The following GALNT17 variants were observed in gnomAD, a reference collection of about 807,000 sequenced individuals.
GALNT17 encodes the protein polypeptide N-acetylgalactosaminyltransferase 17, also known as UDP-GalNAc:polypeptide N-acetylgalactosaminyltransferase-like 3.
A neutral mutation model predicts 63.7 loss-of-function variants in GALNT17; 29 were observed. The observed-to-expected ratio is 0.46, with a 90% CI of 0.34 to 0.62. GALNT17 has a LOEUF of 0.62. Among genes scored for constraint, GALNT17 ranks in the 20% least tolerant of loss-of-function variants. The probability of loss-of-function intolerance (pLI) is 0.01; values close to 1 mark genes in which losing one functional copy is unlikely to be tolerated. For missense variants in GALNT17, 603 were observed against 799.6 expected (o/e 0.75, Z 2.97); for synonymous variants, 305 against 318.3 (o/e 0.96, Z 0.45).
At chr7:71,533,339 A>G (rs1788751255) in intron 5 of GALNT17, among the ~76,000 whole-genome samples, 1 of 152,208 alleles carries the variant, frequency 6.6e-6, no homozygotes. Context: ...CAACCAAAAC[A>G]TTTCCTAAAT....
chr7:71,607,119 C>T (rs1790058929), intron 6 of GALNT17, among the ~76,000 whole-genome samples: 1 of 152,038 alleles, frequency 6.6e-6, no homozygotes, highest in African/African-American at 2.4e-5. Context: ...CTGCAGTGAG[C>T]CATGGTCATA....
At chr7:71,408,134 G>T (rs1054567356) in intron 3 of GALNT17, among the ~76,000 whole-genome samples, 3 of 152,172 alleles carry the variant, frequency 2.0e-5, no homozygotes, top group Admixed American at 1.3e-4. Context: ...CGACCTGGGG[G>T]TGCTGGCCAG....
At chr7:71,526,489 A>ATTATTAT (rs1028883731) in intron 5 of GALNT17, among the ~76,000 whole-genome samples, 2 of 152,046 alleles carry the variant, frequency 1.3e-5, no homozygotes, top group African/African-American at 4.8e-5. Context: ...GTTACATGGA[A>ATTATTAT]TTTTTATTTT....
chr7:71,149,176 C>G (rs1347345538), intron 1 of GALNT17, among the ~76,000 whole-genome samples: 2 of 152,084 alleles, frequency 1.3e-5, no homozygotes, highest in African/African-American at 4.8e-5. Context: ...GCCTCAGCCT[C>G]CTGAGTAGCT....
intron 2 of GALNT17, 73 bp downstream of exon 2, chr7:71,335,806 A>G (rs1239152467): frequency 1.6e-6 from 2 of 1,260,256 alleles, no homozygotes; most frequent in Non-Finnish European, 2.1e-6. Context: ...CGTTTGTGAT[A>G]TTTTCCACTG....
Position 71,420,024 on chromosome 7 carries a change from G to A in GALNT17, c.765-884G>A, listed in dbSNP as rs181873792. ...GATAATGCAGAGGAATGGGATTTTC[G>A]CTTGACTCTGTTCCAAAGCCTGCAT... On this transcript the variant is annotated intron_variant, in intron 4 of 10. Transcript: ENST00000333538. Among the ~76,000 whole-genome samples the A allele has an allele frequency of 2.6e-4, 40 of 152,250 alleles. 3 individuals carry two copies. The East Asian group carries it at 2.9e-3, about 11-fold the overall frequency.
At chr7:71,406,907 A>G (rs1314770289) in intron 3 of GALNT17, among the ~76,000 whole-genome samples, 1 of 152,106 alleles carries the variant, frequency 6.6e-6, no homozygotes, top group Non-Finnish European at 1.5e-5. Context: ...TAGGGCATCA[A>G]AGCTAATTCT....
chr7:71,628,013 T>C (rs957501312), intron 6 of GALNT17, among the ~76,000 whole-genome samples: 1 of 151,916 alleles, frequency 6.6e-6, no homozygotes, highest in African/African-American at 2.4e-5. Flanking sequence ...TGCAAGCAGA[T>C]ATACAGCGCA....
intron 6 of GALNT17, among the ~76,000 whole-genome samples, chr7:71,580,920 T>C (rs1174462647): frequency 2.0e-5 from 3 of 152,138 alleles, no homozygotes; most frequent in Non-Finnish European, 4.4e-5. Context: ...CGGTGCCCTT[T>C]AGGAGGTGTG....
At position 71,540,093 on chromosome 7, in the gene GALNT17, C is replaced by CTTTTTT. The variant is rs71089954; in HGVS notation, c.963-31162_963-31157dup. On this transcript the variant is annotated intron_variant, in intron 5 of 10. Coordinates refer to ENST00000333538, the MANE Select transcript of GALNT17 (RefSeq NM_022479.3). ...ACAGTTGTGAGCCACTGTGCCTGGC[C>CTTTTTT]TTTTTTTTTTTTTTTTTTTTTTTTT... Among the ~76,000 whole-genome samples, 104 of 33,548 alleles carry CTTTTTT rather than the reference C, an allele frequency of 3.1e-3. 23 individuals are homozygous for CTTTTTT. Among genetic ancestry groups the CTTTTTT allele is most frequent in the Non-Finnish European group, 4.2e-3 (75 of 18,024 alleles). The allele number at this position is 33,548 out of a possible 152,430, so 22.0% of individuals were successfully genotyped here.
At chr7:71,569,563 TAGCTCGGCC>T (rs1789403320) in intron 5 of GALNT17, among the ~76,000 whole-genome samples, 1 of 152,202 alleles carries the variant, frequency 6.6e-6, no homozygotes, top group Non-Finnish European at 1.5e-5. Context: ...ATTTGTTTGT[TAGCTCGGCC>T]AGAAGATGCA....
In GALNT17 at chr7:71,223,690, G is replaced by A. The variant is rs532685058; in HGVS notation, c.238+90650G>A. ...CTGGTACCCAATAGTTACCTTGTCT[G>A]CTCCTCTCCTTCCTCCCACCCTCCA... On this transcript the variant is annotated intron_variant, in intron 1 of 10. Transcript: ENST00000333538. 7.9e-5 allele frequency among the ~76,000 whole-genome samples: 12 copies of A among 152,160 alleles called. No homozygotes were observed. In the South Asian group the frequency reaches 2.3e-3, roughly 29 times the overall value.
intron 1 of GALNT17, among the ~76,000 whole-genome samples, chr7:71,286,757 T>G (rs1434576127): frequency 6.6e-6 from 1 of 151,510 alleles, no homozygotes; most frequent in Non-Finnish European, 1.5e-5. Context: ...TTTTGTTTTT[T>G]TTTTTCTTTT....
chr7:71,561,884 G>A (rs1390257577), intron 5 of GALNT17, among the ~76,000 whole-genome samples: 1 of 152,090 alleles, frequency 6.6e-6, no homozygotes, highest in Admixed American at 6.6e-5. Flanking sequence ...CAAAGGGGCT[G>A]CCTTCTGGTA....
chr7:71,285,872 C>T (rs1274728220), intron 1 of GALNT17, among the ~76,000 whole-genome samples: 1 of 152,152 alleles, frequency 6.6e-6, no homozygotes, highest in Non-Finnish European at 1.5e-5. Flanking sequence ...CAGATTAAGA[C>T]AAATATTCTT....
chr7:71,543,832 G>A (rs1294564572), intron 5 of GALNT17, among the ~76,000 whole-genome samples: 1 of 133,850 alleles, frequency 7.5e-6, no homozygotes, highest in East Asian at 2.1e-4. Context: ...TTGTTCTGTT[G>A]CCCAGGCTAG....
intron 2 of GALNT17, among the ~76,000 whole-genome samples, chr7:71,344,939 T>C (rs1431037312): frequency 6.6e-6 from 1 of 152,114 alleles, no homozygotes; most frequent in East Asian, 1.9e-4. Flanking sequence ...GAGAATGCTG[T>C]AGGGGTTCAC....
intron 1 of GALNT17, among the ~76,000 whole-genome samples, chr7:71,301,762 G>A (rs968860691): frequency 6.6e-6 from 1 of 151,848 alleles, no homozygotes; most frequent in Admixed American, 6.6e-5. Context: ...AAAACTAAAC[G>A]AAAATGAAAT....
chr7:71,174,051 T>G (rs577556166), intron 1 of GALNT17, among the ~76,000 whole-genome samples: 5 of 152,260 alleles, frequency 3.3e-5, no homozygotes, highest in East Asian at 1.9e-4. Context: ...ACTCAAGAGA[T>G]TCTTCAGTTC....
Sources: allele counts gnomAD v4.1 joint callset (sites outside exome capture counted in the v4.1 genomes callset), GRCh38; gene constraint gnomAD v4.1.1; transcripts MANE v1.5; gene names NCBI Gene and HGNC (gene_info 2026-07-23, HGNC 2026-07-21).